Variants in CNTNAP2 observed in about 807,000 individuals in gnomAD.
CNTNAP2 encodes contactin-associated protein-like 2.
A neutral mutation model predicts 155.2 loss-of-function variants in CNTNAP2; 98 were observed. That is an observed-to-expected ratio of 0.63 (90% CI 0.54 to 0.75). The LOEUF is 0.75. CNTNAP2 is among the 30% of genes least tolerant of loss of function. The pLI is 0.00. For missense variants in CNTNAP2, 1,727 were observed against 1,688.1 expected, an observed-to-expected ratio of 1.02 and a Z score of -0.40; for synonymous variants, 651 against 631.2, an observed-to-expected ratio of 1.03 and a Z score of -0.47.
intron 13 of CNTNAP2, among the ~76,000 whole-genome samples, chr7:147,838,884 C>T (rs1201315731): frequency 6.6e-6 from 1 of 151,974 alleles, no homozygotes; most frequent in Non-Finnish European, 1.5e-5. Flanking sequence ...TCTACTTGTG[C>T]CAAAATCTGT....
chr7:147,610,362 G>A (rs1801159243), intron 12 of CNTNAP2, among the ~76,000 whole-genome samples: 1 of 151,912 alleles, frequency 6.6e-6, no homozygotes, highest in Admixed American at 6.6e-5. Flanking sequence ...TCTCTGGTTG[G>A]TGAGATTACT....
In CNTNAP2 at chr7:147,097,262, G is replaced by A. The variant is rs922384464; in HGVS notation, c.551-10885G>A. On this transcript the variant is annotated intron_variant, in intron 4 of 23. Coordinates refer to ENST00000361727, the MANE Select transcript of CNTNAP2 (RefSeq NM_014141.6). ...GTTGTTGATGGATGTATAGCGTTCA[G>A]AACATTAATGATTTTACAAGTTTAA... is the stretch of plus-strand genomic sequence containing the variant. Among the ~76,000 whole-genome samples the A allele has an allele frequency of 2.6e-5, 4 of 152,188 alleles. No individual in the cohort carries two copies. The South Asian group carries it at 8.3e-4, about 31-fold the overall frequency.
intron 1 of CNTNAP2, among the ~76,000 whole-genome samples, chr7:146,332,029 G>A (rs1801196325): frequency 6.6e-6 from 1 of 151,880 alleles, no homozygotes; most frequent in Non-Finnish European, 1.5e-5. Context: ...ATATGTATGT[G>A]TATTTATGTA....
intron 8 of CNTNAP2, among the ~76,000 whole-genome samples, chr7:147,272,659 G>A (rs750278991): frequency 1.5e-5 from 2 of 132,360 alleles, no homozygotes; most frequent in Admixed American, 7.4e-5. Flanking sequence ...CACCACGCCC[G>A]GCTAATTTTT....
At chr7:146,306,429 C>A (rs1800713818) in intron 1 of CNTNAP2, among the ~76,000 whole-genome samples, 1 of 152,084 alleles carries the variant, frequency 6.6e-6, no homozygotes, top group Non-Finnish European at 1.5e-5. Context: ...CAAAGCCTGG[C>A]AGAAACACAA....
intron 11 of CNTNAP2, among the ~76,000 whole-genome samples, chr7:147,550,615 A>T (rs1799833141): frequency 6.6e-6 from 1 of 152,174 alleles, no homozygotes; most frequent in African/African-American, 2.4e-5. Context: ...ACTGAAGTGA[A>T]GAAAAAGGGA....
intron 1 of CNTNAP2, among the ~76,000 whole-genome samples, chr7:146,639,630 C>T (rs1289420100): frequency 6.6e-6 from 1 of 152,204 alleles, no homozygotes; most frequent in African/African-American, 2.4e-5. Flanking sequence ...TTCCCAACCC[C>T]TCCTCCAGGG....
chr7:146,472,309 T>C (rs1386639885), intron 1 of CNTNAP2, among the ~76,000 whole-genome samples: 1 of 152,218 alleles, frequency 6.6e-6, no homozygotes, highest in Admixed American at 6.5e-5. Flanking sequence ...TTGTATATTC[T>C]GCATCCAAAT....
At chr7:146,811,486 C>A (rs1803065314) in intron 2 of CNTNAP2, among the ~76,000 whole-genome samples, 1 of 151,752 alleles carries the variant, frequency 6.6e-6, no homozygotes, top group Non-Finnish European at 1.5e-5. Context: ...GTAATGTTTT[C>A]TTTTTCATTT....
chr7:147,655,301 T>G (rs1795509090), intron 13 of CNTNAP2, among the ~76,000 whole-genome samples: 1 of 151,702 alleles, frequency 6.6e-6, no homozygotes, highest in Non-Finnish European at 1.5e-5. Flanking sequence ...GTTTGTATTT[T>G]TATTAGAGAT....
chr7:147,454,348 A>G (rs1328140790), intron 10 of CNTNAP2, among the ~76,000 whole-genome samples: 2 of 152,246 alleles, frequency 1.3e-5, no homozygotes, highest in East Asian at 3.9e-4. Context: ...AAGGTTATGC[A>G]TTCCTCTTGT....
chr7:147,734,824 C>A (rs1395975922), intron 13 of CNTNAP2, among the ~76,000 whole-genome samples: 1 of 152,196 alleles, frequency 6.6e-6, no homozygotes, highest in Admixed American at 6.5e-5. Flanking sequence ...ATAGTATTCT[C>A]TGATGGTAGT....
At chr7:146,962,234 T>C (rs1037479280) in intron 3 of CNTNAP2, among the ~76,000 whole-genome samples, 1 of 152,172 alleles carries the variant, frequency 6.6e-6, no homozygotes, top group African/African-American at 2.4e-5. Context: ...TTTTGCTAAA[T>C]AAGATAACTG....
At chr7:147,167,526 G>A in intron 8 of CNTNAP2, 2 of 818,726 alleles carry the variant, frequency 2.4e-6, no homozygotes, top group South Asian at 1.6e-5. Context: ...TTATAAGCAT[G>A]ACTTAGAGGT....
At chr7:147,381,577 T>C (rs776341859) in intron 9 of CNTNAP2, among the ~76,000 whole-genome samples, 9 of 152,160 alleles carry the variant, frequency 5.9e-5, no homozygotes, top group Admixed American at 1.3e-4. Context: ...GTAAAAAATA[T>C]ATGAAAGTGT....
At chr7:146,756,248 C>T (rs937679434) in intron 1 of CNTNAP2, among the ~76,000 whole-genome samples, 9 of 151,818 alleles carry the variant, frequency 5.9e-5, no homozygotes, top group African/African-American at 2.2e-4. Context: ...GAAAAAAAAT[C>T]AAGTGGTTAA....
intron 1 of CNTNAP2, among the ~76,000 whole-genome samples, chr7:146,613,958 T>C (rs1799182933): frequency 6.6e-6 from 1 of 152,206 alleles, no homozygotes; most frequent in South Asian, 2.1e-4. Flanking sequence ...TAATTTATTA[T>C]TTCTTATCAT....
intron 9 of CNTNAP2, among the ~76,000 whole-genome samples, chr7:147,345,262 A>G (rs1268773531): frequency 2.0e-5 from 3 of 152,100 alleles, no homozygotes; most frequent in Non-Finnish European, 4.4e-5. Context: ...TTTTATTTGT[A>G]CTCGTTTGAC....
chr7:146,826,857 T>TAGAGAGAG (rs1554485885), intron 2 of CNTNAP2, among the ~76,000 whole-genome samples: 29 of 138,972 alleles, frequency 2.1e-4, no homozygotes, highest in African/African-American at 7.6e-4. Flanking sequence ...TATATATATA[T>TAGAGAGAG]AGAGAGAGAG....
Sources: allele counts gnomAD v4.1 joint callset (sites outside exome capture counted in the v4.1 genomes callset), GRCh38; gene constraint gnomAD v4.1.1; transcripts MANE v1.5; gene names NCBI Gene and HGNC (gene_info 2026-07-23, HGNC 2026-07-21).